SLC14A2: variants seen among roughly 807,000 people sequenced by gnomAD.
SLC14A2 encodes the protein solute carrier family 14 member 2.
In SLC14A2, 91 loss-of-function variants were observed where a neutral mutation model predicts 104.6. That is an observed-to-expected ratio of 0.87 (90% CI 0.73 to 1.04). The LOEUF is 1.04. Ranked by LOEUF, SLC14A2 falls within the 50% of genes least tolerant of loss-of-function variation. The pLI is 0.00. For missense variants in SLC14A2, 1,189 were observed against 1,156.0 expected, an observed-to-expected ratio of 1.03 and a Z score of -0.41; for synonymous variants, 476 against 466.4, an observed-to-expected ratio of 1.02 and a Z score of -0.27.
intron 1 of SLC14A2, among the ~76,000 whole-genome samples, chr18:45,225,046 T>C (rs2084100601): frequency 6.6e-6 from 1 of 152,248 alleles, no homozygotes; most frequent in Non-Finnish European, 1.5e-5. Flanking sequence ...TTTTGGTGTT[T>C]TAGTCATGAA....
intron 2 of SLC14A2, among the ~76,000 whole-genome samples, chr18:45,483,907 T>A (rs923099469): frequency 2.0e-5 from 3 of 152,298 alleles, no homozygotes; most frequent in Admixed American, 1.3e-4. Flanking sequence ...TCAAGATGGA[T>A]GCGCTGGCAT....
chr18:45,671,412 A>G (rs1187935144), intron 16 of SLC14A2, among the ~76,000 whole-genome samples: 1 of 152,046 alleles, frequency 6.6e-6, no homozygotes, highest in Non-Finnish European at 1.5e-5. Flanking sequence ...TTAAAATTAG[A>G]GCCTTGAGTT....
intron 2 of SLC14A2, among the ~76,000 whole-genome samples, chr18:45,580,126 T>G (rs1416570301): frequency 6.6e-6 from 1 of 152,158 alleles, no homozygotes. Context: ...ACTTTGTGTT[T>G]AGGAAGAAGT....
At chr18:45,282,384 T>C (rs1261118040) in intron 1 of SLC14A2, among the ~76,000 whole-genome samples, 1 of 152,164 alleles carries the variant, frequency 6.6e-6, no homozygotes, top group African/African-American at 2.4e-5. Context: ...TTCTAAGAAT[T>C]GGGGGACTGT....
At chr18:45,203,970 A>G in the SLC14A2 span, among the ~76,000 whole-genome samples, 1 of 152,208 alleles carries the variant, frequency 6.6e-6, no homozygotes, top group African/African-American at 2.4e-5. Context: ...AGTCAGTTTT[A>G]CGGAGCTTGA....
intron 1 of SLC14A2, among the ~76,000 whole-genome samples, chr18:45,469,607 G>A (rs2087208066): frequency 6.6e-6 from 1 of 152,212 alleles, no homozygotes. Flanking sequence ...TGCCAGTGTG[G>A]TGTAAGCATG....
At chr18:45,478,137 G>T (rs1368501563) in intron 1 of SLC14A2, among the ~76,000 whole-genome samples, 1 of 152,204 alleles carries the variant, frequency 6.6e-6, no homozygotes, top group African/African-American at 2.4e-5. Flanking sequence ...GAATCTCCTG[G>T]TCTGTGGGTT....
intron 2 of SLC14A2, among the ~76,000 whole-genome samples, chr18:45,577,139 G>A (rs2044428407): frequency 1.1e-5 from 1 of 93,480 alleles, no homozygotes; most frequent in South Asian, 3.2e-4. Flanking sequence ...ACCCTCCCAG[G>A]GGAGTTGTTT....
intron 6 of SLC14A2, among the ~76,000 whole-genome samples, chr18:45,639,483 T>A (rs1599101216): frequency 1.3e-5 from 2 of 152,246 alleles, no homozygotes; most frequent in East Asian, 1.9e-4. Flanking sequence ...GCAGAAGCCG[T>A]ATGTTCCTCA....
At chr18:45,634,028 C>G (rs2045382597) in intron 5 of SLC14A2, among the ~76,000 whole-genome samples, 1 of 152,160 alleles carries the variant, frequency 6.6e-6, no homozygotes, top group Non-Finnish European at 1.5e-5. Flanking sequence ...CAACACAGCT[C>G]CTCAACCACA....
intron 4 of SLC14A2, among the ~76,000 whole-genome samples, chr18:45,631,240 G>A (rs538352006): frequency 1.5e-4 from 23 of 152,308 alleles, no homozygotes; most frequent in Non-Finnish European, 2.6e-4. Flanking sequence ...CCACAGCAAC[G>A]GACACACAGA....
chr18:45,629,874 A>T (rs2045318338), intron 4 of SLC14A2, among the ~76,000 whole-genome samples: 1 of 152,144 alleles, frequency 6.6e-6, no homozygotes, highest in East Asian at 1.9e-4. Context: ...GTCCTACAGT[A>T]CCTAGTGCTC....
intron 1 of SLC14A2, among the ~76,000 whole-genome samples, chr18:45,619,614 C>T (rs960567488): frequency 6.6e-6 from 1 of 152,108 alleles, no homozygotes; most frequent in Non-Finnish European, 1.5e-5. Flanking sequence ...AGTCTGAGTG[C>T]GCCAAGCAGA....
At chr18:45,562,963 C>T (rs1004437063) in intron 2 of SLC14A2, among the ~76,000 whole-genome samples, 6 of 152,186 alleles carry the variant, frequency 3.9e-5, no homozygotes, top group African/African-American at 1.2e-4. Context: ...GAAATTATCC[C>T]TGTGCTATTA....
At chr18:45,431,521 TGTTA>T (rs1364155774) in intron 1 of SLC14A2, among the ~76,000 whole-genome samples, 2 of 152,318 alleles carry the variant, frequency 1.3e-5, no homozygotes, top group African/African-American at 4.8e-5. Context: ...ACCCAAATAA[TGTTA>T]GTTCTCTTTC....
rs142108083 is a variant in SLC14A2, at chr18:45,410,012, G to A, written c.-124-73221G>A. Among the ~76,000 whole-genome samples, 671 of 152,222 alleles carry A rather than the reference G, an allele frequency of 4.4e-3. 3 individuals are homozygous for A. The highest frequency in any genetic ancestry group is 0.015 in the African/African-American group (604 of 41,530). ...AGTTGGTCCTATGCTGGGGGGCAGCGGGTGGTGATGGGAGACAGTGACAGA... is the reference window on the plus strand; with the variant it reads ...AGTTGGTCCTATGCTGGGGGGCAGCAGGTGGTGATGGGAGACAGTGACAGA... On this transcript the variant is annotated intron_variant, in intron 1 of 20. Transcript: ENST00000586448.
At chr18:45,381,115 T>G (rs1228715023) in intron 1 of SLC14A2, among the ~76,000 whole-genome samples, 1 of 152,216 alleles carries the variant, frequency 6.6e-6, no homozygotes, top group Non-Finnish European at 1.5e-5. Flanking sequence ...AAGCTGTTCT[T>G]GAACCTTTCT....
Position 45,245,336 on chromosome 18 carries a change from G to T in SLC14A2, c.-125+32145G>T, listed in dbSNP as rs181282593. Among the ~76,000 whole-genome samples, 4 of 152,266 alleles carry T rather than the reference G, an allele frequency of 2.6e-5. No individual in the cohort carries two copies. The East Asian group carries it at 7.7e-4, about 29-fold the overall frequency. ...TTTCCCTAGGACTTCATGGCAGCTG[G>T]AGTCTGTGAGGTCTCCACTGTGTTC... On this transcript the variant is annotated intron_variant, in intron 1 of 20. Transcript: ENST00000586448.
At chr18:45,430,076 G>A (rs986370755) in intron 1 of SLC14A2, among the ~76,000 whole-genome samples, 1 of 152,096 alleles carries the variant, frequency 6.6e-6, no homozygotes, top group Non-Finnish European at 1.5e-5. Context: ...GTCTGGGGTG[G>A]GTCTTTCTTG....
Sources: allele counts gnomAD v4.1 joint callset (sites outside exome capture counted in the v4.1 genomes callset), GRCh38; gene constraint gnomAD v4.1.1; transcripts MANE v1.5; gene names NCBI Gene and HGNC (gene_info 2026-07-23, HGNC 2026-07-21).